The following SLC7A9 variants were observed in gnomAD, a reference collection of about 807,000 sequenced individuals.
SLC7A9 encodes the protein B(0,+)-type amino acid transporter 1.
A neutral mutation model predicts 54.1 loss-of-function variants in SLC7A9; 38 were observed. That is an observed-to-expected ratio of 0.70 (90% CI 0.54 to 0.92). The LOEUF (loss-of-function observed/expected upper bound fraction) is 0.92. Among genes scored for constraint, SLC7A9 ranks in the 40% least tolerant of loss-of-function variants. The probability of loss-of-function intolerance (pLI) is 0.00; values close to 1 mark genes in which losing one functional copy is unlikely to be tolerated. For missense variants in SLC7A9, 537 were observed against 636.1 expected, an observed-to-expected ratio of 0.84 and a Z score of 1.68; for synonymous variants, 264 against 258.9, an observed-to-expected ratio of 1.02 and a Z score of -0.19.
chr19:32,859,274 G>A (rs1599680046), intron 8 of SLC7A9, among the ~76,000 whole-genome samples: 1 of 151,972 alleles, frequency 6.6e-6, no homozygotes, highest in African/African-American at 2.4e-5. Flanking sequence ...CGTAATTCTT[G>A]GTCATTTCAA....
chr19:32,864,911 G>T, intron 2 of SLC7A9, 135 bp from the exon 3 acceptor site: 1 of 1,141,956 alleles, frequency 8.8e-7, no homozygotes, highest in Non-Finnish European at 1.3e-6. Flanking sequence ...ACCCTGAGCG[G>T]CTGCCCTGGC....
At chr19:32,859,680 C>A (rs549895262) in intron 8 of SLC7A9, among the ~76,000 whole-genome samples, 161 bp downstream of exon 8, 1 of 152,270 alleles carries the variant, frequency 6.6e-6, no homozygotes, top group African/African-American at 2.4e-5. Flanking sequence ...CTGGCTAGCC[C>A]GGCCCTGCCT....
intron 9 of SLC7A9, among the ~76,000 whole-genome samples, chr19:32,857,381 C>CTACA (rs1968659092): frequency 6.6e-6 from 1 of 152,030 alleles, no homozygotes; most frequent in Non-Finnish European, 1.5e-5. Flanking sequence ...GAGGTAGAGG[C>CTACA]TACAGTGAGC....
chr19:32,833,009 G>A (rs1967850498), intron 12 of SLC7A9, 140 bp downstream of exon 12: 4 of 831,326 alleles, frequency 4.8e-6, no homozygotes, highest in Non-Finnish European at 8.5e-6. Context: ...GTGAGGGCGT[G>A]GGCATGTGTC....
At chr19:32,847,379 C>T (rs941465031) in intron 9 of SLC7A9, among the ~76,000 whole-genome samples, 4 of 152,016 alleles carry the variant, frequency 2.6e-5, no homozygotes, top group Admixed American at 6.6e-5. Context: ...TCGAGAACTA[C>T]GTGAAGAATG....
In SLC7A9 at chr19:32,855,634, G is replaced by A. The variant is rs1180183054; in HGVS notation, c.977+2806C>T. On this transcript the variant is annotated intron_variant, in intron 9 of 12. Coordinates refer to ENST00000023064, the MANE Select transcript of SLC7A9 (RefSeq NM_014270.5). ...GGAGAATGGCGTGAACCTGGGAGGT[G>A]GAGCTTGCAGTGAGCCGAGATCATG... 3.3e-5 allele frequency among the ~76,000 whole-genome samples: 5 copies of A among 152,120 alleles called. No individual in the cohort carries two copies. The East Asian group carries it at 9.7e-4, about 29-fold the overall frequency.
At chr19:32,846,861 C>A (rs1968313271) in intron 9 of SLC7A9, among the ~76,000 whole-genome samples, 1 of 152,198 alleles carries the variant, frequency 6.6e-6, no homozygotes, top group Non-Finnish European at 1.5e-5. Flanking sequence ...TGCAGGTCAC[C>A]AAAATCCGCT....
At position 32,862,493 on chromosome 19, in the gene SLC7A9, A is replaced by T; in HGVS notation, c.572T>A (p.Ile191Asn). Residue 191 changes from isoleucine to asparagine, a missense_variant, in exon 5 of 13, where the codon ATC becomes AAC. Ile to Asn is a moderately radical substitution (Grantham distance 149). Transcript: ENST00000023064. Reference sequence around the variant, plus strand: ...CAGGAGCACCAGCCCGCTGATGATGATGATGGCCACGATCACCAGCTTGGC... The same window carrying T: ...CAGGAGCACCAGCCCGCTGATGATGTTGATGGCCACGATCACCAGCTTGGC... Reference protein sequence around the residue: ...TAAKLVIVAIIIISGLVLLAQ... With the variant: ...TAAKLVIVAINIISGLVLLAQ... 6.2e-7 allele frequency: 1 copy of T among 1,613,362 alleles called. No homozygotes were observed. The highest frequency in any genetic ancestry group is 8.5e-7 in the Non-Finnish European group (1 of 1,179,996).
chr19:32,846,507 C>T (rs11669589), intron 9 of SLC7A9, among the ~76,000 whole-genome samples: 17,252 of 152,214 alleles, frequency 0.11, 1,092 homozygotes, highest in Middle Eastern at 0.16. Context: ...ATTAGGTAAA[C>T]AAAGCAGCCA....
rs769576205 is a variant in SLC7A9, at chr19:32,843,931, C to T, written c.998G>A (p.Arg333Gln). The T allele has an allele frequency of 7.4e-6, 12 of 1,613,410 alleles. No homozygotes were observed. The highest frequency in any genetic ancestry group is 2.7e-5 in the African/African-American group (2 of 74,912). Reference protein sequence around the residue: ...TAGRLIYVAGREGHMLKVLSY... With the variant: ...TAGRLIYVAGQEGHMLKVLSY... ...AAGCACTTTGAGCATGTGACCCTCC[C>T]GGCCCGCCACGTAAATGAGTCTGGA... Residue 333 changes from arginine (R) to glutamine (Q), a missense_variant, in exon 10 of 13, where the codon CGG becomes CAG. Coordinates refer to ENST00000023064, the MANE Select transcript of SLC7A9 (RefSeq NM_014270.5).
At chr19:32,838,307 T>C (rs780354819) in intron 11 of SLC7A9, among the ~76,000 whole-genome samples, 3 of 152,040 alleles carry the variant, frequency 2.0e-5, no homozygotes, top group African/African-American at 7.2e-5. Context: ...TCTTTTTTAA[T>C]GTGTCTTTTG....
chr19:32,865,248 CAG>C (rs1215853928), intron 2 of SLC7A9, among the ~76,000 whole-genome samples: 2 of 152,226 alleles, frequency 1.3e-5, no homozygotes, highest in Non-Finnish European at 2.9e-5. Flanking sequence ...CTCCCAGAAA[CAG>C]AAACATTTGG....
rs781601075 is a variant in SLC7A9, at chr19:32,864,103, G to A, written c.471C>T (p.Ala157=). Residue 157 remains alanine (A), a synonymous_variant, in exon 4 of 13, where the codon GCC becomes GCT. Transcript: ENST00000023064. ...CTGGGCTCAGGTACTCACAGATGGC[G>A]GCGGCGGCCAGGCATTTCACAACGA... ...PQIVVKCLAA[A]AILFISTVNS... The A allele has an allele frequency of 3.5e-5, 56 of 1,614,022 alleles. No individual in the cohort carries two copies. The highest frequency in any genetic ancestry group is 1.7e-4 in the Middle Eastern group (1 of 6,056).
At chr19:32,854,673 C>G (rs1024853359) in intron 9 of SLC7A9, among the ~76,000 whole-genome samples, 3 of 152,100 alleles carry the variant, frequency 2.0e-5, no homozygotes, top group African/African-American at 7.2e-5. Context: ...ACTGCAACCT[C>G]TGCTTCCCGG....
intron 4 of SLC7A9, among the ~76,000 whole-genome samples, chr19:32,863,891 C>T (rs927486859): frequency 7.2e-5 from 11 of 152,208 alleles, no homozygotes; most frequent in African/African-American, 2.7e-4. Flanking sequence ...CTCTGCCCTG[C>T]AGGACAGCCA....
chr19:32,862,536 G>T lies in SLC7A9; in HGVS notation c.529C>A (p.Gln177Lys). The change falls in exon 5 of 13, where the codon CAG becomes AAG. Residue 177 changes from glutamine (Q) to lysine (K), a missense_variant. By Grantham distance (53) the Gln-to-Lys change is moderately conservative. Coordinates refer to ENST00000023064, the MANE Select transcript of SLC7A9 (RefSeq NM_014270.5). ...SLSVRLGSYV[Q>K]NIFTAAKLVI... ...AGCTTGGCCGCGGTGAAGATGTTCTGGACGTAGCTTCCCAGCCGCACGCTC... is the reference window on the plus strand; with the variant it reads ...AGCTTGGCCGCGGTGAAGATGTTCTTGACGTAGCTTCCCAGCCGCACGCTC... 6.2e-7 allele frequency: 1 copy of T among 1,613,890 alleles called. No individual in the cohort carries two copies. Among genetic ancestry groups the T allele is most frequent in the South Asian group, 1.1e-5 (1 of 91,062 alleles).
At chr19:32,860,769 C>T in intron 6 of SLC7A9, 119 bp from the exon 7 acceptor site, 1 of 1,372,310 alleles carries the variant, frequency 7.3e-7, no homozygotes, top group Non-Finnish European at 1.0e-6. Context: ...AATTCTCCTG[C>T]AGGAATTCCA....
chr19:32,837,246 A>G (rs1967984415), intron 11 of SLC7A9, among the ~76,000 whole-genome samples: 1 of 152,120 alleles, frequency 6.6e-6, no homozygotes, highest in African/African-American at 2.4e-5. Flanking sequence ...CTGTAATCCC[A>G]GTACTTTGGG....
chr19:32,855,431 G>A (rs1188993961), intron 9 of SLC7A9, among the ~76,000 whole-genome samples: 2 of 152,180 alleles, frequency 1.3e-5, no homozygotes, highest in East Asian at 1.9e-4. Flanking sequence ...CGGGCGCGGT[G>A]GCTCACGCCT....
Sources: allele counts gnomAD v4.1 joint callset (sites outside exome capture counted in the v4.1 genomes callset), GRCh38; gene constraint gnomAD v4.1.1; transcripts MANE v1.5; gene names NCBI Gene and HGNC (gene_info 2026-07-23, HGNC 2026-07-21).